Variants in FGL1 observed in about 807,000 individuals in gnomAD.
The protein encoded by FGL1 is fibrinogen like 1.
FGL1 carries 59 observed loss-of-function variants against 43.7 expected under a neutral mutation model. The observed-to-expected ratio is 1.35, with a 90% CI of 1.10 to 1.68. The LOEUF is 1.68. FGL1 is among the 40% of genes most tolerant of loss of function. The probability of loss-of-function intolerance (pLI) is 0.00; values close to 1 mark genes in which losing one functional copy is unlikely to be tolerated. For synonymous variants in FGL1, 192 were observed against 126.5 expected, an observed-to-expected ratio of 1.52 and a Z score of -3.48; for missense variants, 596 against 373.0, an observed-to-expected ratio of 1.60 and a Z score of -4.92.
At chr8:17,892,838 G>A (rs906703911) in intron 1 of FGL1, among the ~76,000 whole-genome samples, 8 of 152,096 alleles carry the variant, frequency 5.3e-5, no homozygotes, top group African/African-American at 1.9e-4. Flanking sequence ...TTTTTTATTT[G>A]ATTAAAGTTT....
chr8:17,879,277 A>G (rs34146352), intron 3 of FGL1, among the ~76,000 whole-genome samples: 4,324 of 152,038 alleles, frequency 0.028, 82 homozygotes, highest in South Asian at 0.049. Context: ...TGACCTTGGC[A>G]TCGTAATTTC....
intron 1 of FGL1, chr8:17,891,423 A>G (rs2053703275): frequency 6.6e-6 from 1 of 152,232 alleles, no homozygotes. Context: ...CCATCTTCAC[A>G]TAGCTGTCTT....
intron 7 of FGL1, among the ~76,000 whole-genome samples, chr8:17,865,271 A>C (rs943227426): frequency 1.3e-5 from 2 of 152,320 alleles, no homozygotes; most frequent in South Asian, 2.1e-4. Flanking sequence ...CCTGACTCAG[A>C]ACAGTGTTAA....
intron 5 of FGL1, among the ~76,000 whole-genome samples, chr8:17,872,944 G>A (rs936512090): frequency 2.6e-5 from 4 of 152,162 alleles, no homozygotes; most frequent in Non-Finnish European, 2.9e-5. Flanking sequence ...GGATAGATAC[G>A]TAACAAAAAC....
chr8:17,873,971 G>A, intron 5 of FGL1, 48 bp downstream of exon 5: 2 of 1,400,724 alleles, frequency 1.4e-6, no homozygotes, highest in African/African-American at 1.5e-5. Context: ...AAATTTTAGT[G>A]TTGTTTTTAT....
intron 1 of FGL1, among the ~76,000 whole-genome samples, chr8:17,889,185 C>A (rs35410008): frequency 6.6e-6 from 1 of 152,212 alleles, no homozygotes; most frequent in South Asian, 2.1e-4. Context: ...CCAAGTCTAA[C>A]GTGGATTGGA....
At chr8:17,867,309 C>G (rs985288449) in intron 7 of FGL1, among the ~76,000 whole-genome samples, 6 of 152,040 alleles carry the variant, frequency 3.9e-5, no homozygotes, top group Non-Finnish European at 7.4e-5. Flanking sequence ...GATATAGATT[C>G]AAAAGAACCA....
chr8:17,872,178 A>C (rs992021888), intron 5 of FGL1, among the ~76,000 whole-genome samples: 8 of 152,224 alleles, frequency 5.3e-5, no homozygotes, highest in African/African-American at 1.7e-4. Context: ...ATCCTGTCTA[A>C]TGTTTATCAT....
intron 3 of FGL1, 180 bp from the exon 4 acceptor site, chr8:17,874,701 C>A (rs1044153341): frequency 1.4e-5 from 6 of 414,050 alleles, no homozygotes; most frequent in Non-Finnish European, 2.1e-5. Flanking sequence ...GTTTTATTTC[C>A]TTTGCTAAAA....
intron 3 of FGL1, among the ~76,000 whole-genome samples, chr8:17,878,697 T>C (rs956647737): frequency 2.6e-5 from 4 of 152,202 alleles, no homozygotes; most frequent in African/African-American, 9.7e-5. Flanking sequence ...TGCTAGGTTG[T>C]ATGTAATTGG....
chr8:17,883,392 A>G (rs1211299311), intron 2 of FGL1, among the ~76,000 whole-genome samples: 2 of 53,124 alleles, frequency 3.8e-5, no homozygotes, highest in Non-Finnish European at 7.6e-5. Context: ...ACAATATAAT[A>G]ATAATATATA....
At chr8:17,887,701 G>A (rs867848051) in intron 1 of FGL1, among the ~76,000 whole-genome samples, 1 of 152,090 alleles carries the variant, frequency 6.6e-6, no homozygotes, top group Non-Finnish European at 1.5e-5. Context: ...TAGGTGTGGT[G>A]GTGGGTGCCT....
intron 3 of FGL1, among the ~76,000 whole-genome samples, chr8:17,878,033 C>T (rs984212203): frequency 3.4e-4 from 52 of 152,154 alleles, no homozygotes; most frequent in African/African-American, 1.2e-3. Flanking sequence ...GTGGCACAGT[C>T]AGCTCACTGC....
chr8:17,885,593 T>C lies in FGL1; in HGVS notation c.-17-22A>G, dbSNP rs752012351. 18 of 1,603,836 alleles carry C rather than the reference T, an allele frequency of 1.1e-5. No individual in the cohort carries two copies. In the South Asian group the frequency reaches 1.8e-4, roughly 16 times the overall value. On this transcript the variant is annotated intron_variant, in intron 1 of 7. Transcript: ENST00000427924. Reference sequence around the variant, plus strand: ...AAAACTGCAAGAACAAAAAGAATTTTATAAATGTATCAACCTTGAATTTTT... The same window carrying C: ...AAAACTGCAAGAACAAAAAGAATTTCATAAATGTATCAACCTTGAATTTTT...
intron 1 of FGL1, among the ~76,000 whole-genome samples, chr8:17,890,587 A>G (rs988877292): frequency 1.3e-5 from 2 of 152,132 alleles, no homozygotes; most frequent in African/African-American, 2.4e-5. Context: ...ACTACCACAT[A>G]TAAAATAACA....
intron 2 of FGL1, among the ~76,000 whole-genome samples, chr8:17,885,200 C>T (rs2054206331): frequency 6.6e-6 from 1 of 151,642 alleles, no homozygotes; most frequent in Non-Finnish European, 1.5e-5. Context: ...GCCATCACGC[C>T]CGGCTAATTT....
At chr8:17,891,781 C>G (rs2053708528) in intron 1 of FGL1, 1 of 983,808 alleles carries the variant, frequency 1.0e-6, no homozygotes, top group Admixed American at 6.2e-5. Flanking sequence ...TATAAGATGT[C>G]TTTATCAGAT....
At chr8:17,888,110 T>C (rs1025404222) in intron 1 of FGL1, among the ~76,000 whole-genome samples, 2 of 151,936 alleles carry the variant, frequency 1.3e-5, no homozygotes, top group Non-Finnish European at 2.9e-5. Context: ...ATGTATTAAA[T>C]ATAATTGATT....
At chr8:17,893,007 T>C (rs2053727054) in intron 1 of FGL1, among the ~76,000 whole-genome samples, 1 of 152,162 alleles carries the variant, frequency 6.6e-6, no homozygotes, top group Admixed American at 6.5e-5. Context: ...GAGACCAGCA[T>C]GGCCAACATG....
Sources: gnomAD v4.1 joint callset for allele counts (sites outside exome capture counted in the v4.1 genomes callset) on GRCh38, gnomAD v4.1.1 for gene constraint, MANE v1.5 for transcripts, NCBI Gene and HGNC (gene_info 2026-07-23, HGNC 2026-07-21) for gene names.